TENM1: variants seen among roughly 807,000 people sequenced by gnomAD.
TENM1 encodes the protein teneurin-1.
A neutral mutation model predicts 174.8 loss-of-function variants in TENM1; 35 were observed. The ratio of observed to expected loss-of-function variants is 0.20; its 90% CI spans 0.15 to 0.27. The LOEUF (loss-of-function observed/expected upper bound fraction) is 0.27, where lower values mean the gene tolerates loss of function less well. Ranked by LOEUF, TENM1 falls within the 10% of genes least tolerant of loss-of-function variation. The pLI, the probability that TENM1 is intolerant of heterozygous loss-of-function variation, is 1.00. For missense variants in TENM1, 1,633 were observed against 2,130.1 expected (o/e 0.77, Z 4.59); for synonymous variants, 781 against 798.7 (o/e 0.98, Z 0.37).
chrX:124,790,893 G>T (rs1252790510), intron 3 of TENM1, among the ~76,000 whole-genome samples: 1 of 110,803 alleles, frequency 9.0e-6, no homozygotes, highest in Non-Finnish European at 1.9e-5. Context: ...GTCCACAATA[G>T]AAATAAAAAA....
chrX:124,494,137 G>A (rs1217296381), intron 20 of TENM1, among the ~76,000 whole-genome samples: 1 of 111,555 alleles, frequency 9.0e-6, no homozygotes, highest in Non-Finnish European at 1.9e-5. Context: ...ACATGCTTGT[G>A]TGAAAGTAAG....
At chrX:124,523,151 G>A (rs1016113069) in intron 17 of TENM1, among the ~76,000 whole-genome samples, 1 of 112,028 alleles carries the variant, frequency 8.9e-6, no homozygotes, top group South Asian at 3.7e-4. Context: ...ACTTAATCTT[G>A]TTCTATTCCA....
chrX:124,899,407 G>T (rs1040235661), intron 1 of TENM1, among the ~76,000 whole-genome samples: 2 of 110,669 alleles, frequency 1.8e-5, no homozygotes, highest in Non-Finnish European at 3.8e-5. Context: ...TGCCCAGGTT[G>T]GTCTCGAACT....
chrX:125,015,495 T>C, the TENM1 span, among the ~76,000 whole-genome samples: 3 of 112,090 alleles, frequency 2.7e-5, no homozygotes, highest in South Asian at 3.7e-4. Flanking sequence ...TACATTAGTA[T>C]TGGTTGTCAC....
intron 3 of TENM1, among the ~76,000 whole-genome samples, chrX:124,765,141 T>C (rs1026627288): frequency 9.0e-6 from 1 of 111,493 alleles, no homozygotes; most frequent in African/African-American, 3.3e-5. Context: ...CAGACAGATA[T>C]AGAAAAAAGC....
intron 13 of TENM1, among the ~76,000 whole-genome samples, chrX:124,563,279 C>T (rs1012501106): frequency 1.4e-3 from 155 of 109,991 alleles, no homozygotes; most frequent in Non-Finnish European, 2.0e-3. Context: ...AATTCTCCTG[C>T]CCCTGTAAGG....
chrX:125,064,149 G>A, the TENM1 span, among the ~76,000 whole-genome samples: 6 of 105,950 alleles, frequency 5.7e-5, no homozygotes, highest in South Asian at 4.5e-4. Flanking sequence ...ATCACACACC[G>A]GGGCCGTTGT....
At chrX:124,942,381 C>T (rs2058341388) in intron 1 of TENM1, among the ~76,000 whole-genome samples, 1 of 111,734 alleles carries the variant, frequency 8.9e-6, no homozygotes. Flanking sequence ...TTGAAATCCT[C>T]CCCACTGGAG....
the TENM1 span, among the ~76,000 whole-genome samples, chrX:125,096,360 C>A: frequency 1.8e-5 from 2 of 110,038 alleles, no homozygotes; most frequent in African/African-American, 6.5e-5. Flanking sequence ...AAAGCCAATG[C>A]AATTTTAATT....
chrX:124,469,259 T>C (rs764224959), intron 22 of TENM1, among the ~76,000 whole-genome samples: 44 of 112,344 alleles, frequency 3.9e-4, no homozygotes, highest in Non-Finnish European at 7.1e-4. Flanking sequence ...TACTTAATAA[T>C]AGTTATTAGC....
At chrX:124,480,399 C>T (rs1247955204) in intron 22 of TENM1, among the ~76,000 whole-genome samples, 2 of 111,755 alleles carry the variant, frequency 1.8e-5, no homozygotes, top group Admixed American at 9.5e-5. Flanking sequence ...ATATAGCAAA[C>T]GTCAAATGGT....
the TENM1 span, among the ~76,000 whole-genome samples, chrX:125,176,440 T>C: frequency 9.0e-6 from 1 of 111,489 alleles, no homozygotes; most frequent in Non-Finnish European, 1.9e-5. Flanking sequence ...ATTTCCTTTT[T>C]TATTCTGCAG....
rs202238542 is a variant in TENM1 at position 124,549,908 on chromosome X, GTT to G, written c.2435-2820_2435-2819del. On this transcript the variant is annotated intron_variant, in intron 14 of 31. Transcript: ENST00000422452. ...GTGCCTTGTTTTTTGGCTATTAACA[GTT>G]TTTTTTTTTTTTTCTAATTGTTCAG... Among the ~76,000 whole-genome samples, 41 of 101,336 alleles carry G rather than the reference GTT, an allele frequency of 4.0e-4. No individual in the cohort carries two copies. In the East Asian group the frequency reaches 5.0e-3, roughly 12 times the overall value. 88.0% of individuals were successfully genotyped at this position (101,336 alleles called of 115,157 possible). A position where few individuals can be genotyped will look rare whatever the true frequency, so the allele number is the denominator to read the frequency against.
intron 3 of TENM1, among the ~76,000 whole-genome samples, chrX:124,838,751 TTC>T (rs1183227138): frequency 9.0e-6 from 1 of 111,058 alleles, no homozygotes; most frequent in African/African-American, 3.3e-5. Flanking sequence ...GAAAAAAGTG[TTC>T]TCTCTCTGTC....
intron 3 of TENM1, among the ~76,000 whole-genome samples, chrX:124,767,627 G>A (rs1426014147): frequency 9.0e-6 from 1 of 110,512 alleles, no homozygotes; most frequent in Non-Finnish European, 1.9e-5. Flanking sequence ...ATTAATTTAG[G>A]GGCAGAAAAT....
intron 11 of TENM1, among the ~76,000 whole-genome samples, chrX:124,592,917 A>G (rs1197545389): frequency 2.7e-5 from 3 of 111,231 alleles, no homozygotes; most frequent in African/African-American, 6.6e-5. Context: ...CCTACAAGCC[A>G]GTAGATGGTG....
At chrX:124,440,669 C>T (rs905178942) in intron 23 of TENM1, among the ~76,000 whole-genome samples, 9 of 111,463 alleles carry the variant, frequency 8.1e-5, no homozygotes, top group South Asian at 7.5e-4. Flanking sequence ...AATATAGACC[C>T]GGTAACTACA....
intron 6 of TENM1, among the ~76,000 whole-genome samples, chrX:124,658,652 AATAG>A (rs765724364): frequency 4.3e-4 from 48 of 112,077 alleles, no homozygotes; most frequent in African/African-American, 1.6e-3. Flanking sequence ...TGACACTGAT[AATAG>A]ATAGCTCACT....
chrX:124,612,419 G>A lies in TENM1; in HGVS notation c.2077+29372C>T, dbSNP rs745650875. Reference sequence around the variant, plus strand: ...TCATAGCCCTGAGGTGAGTTGGGTAGAATAAAAATGTTGAAATCTACTAGG... The same window carrying A: ...TCATAGCCCTGAGGTGAGTTGGGTAAAATAAAAATGTTGAAATCTACTAGG... On this transcript the variant is annotated intron_variant, in intron 11 of 31. Transcript: ENST00000422452. Among the ~76,000 whole-genome samples the A allele has an allele frequency of 8.1e-5, 9 of 111,237 alleles. No individual in the cohort carries two copies. The East Asian group carries it at 2.6e-3, about 32-fold the overall frequency.
Sources: allele counts gnomAD v4.1 joint callset (sites outside exome capture counted in the v4.1 genomes callset), GRCh38; gene constraint gnomAD v4.1.1; transcripts MANE v1.5; gene names NCBI Gene and HGNC (gene_info 2026-07-23, HGNC 2026-07-21).